Variants in VKORC1L1 observed in about 807,000 individuals in gnomAD.
VKORC1L1 encodes the protein vitamin K epoxide reductase complex subunit 1-like protein 1.
Under a neutral mutation model 18.9 loss-of-function variants are expected in VKORC1L1, and 2 were observed. That is an observed-to-expected ratio of 0.11 (90% CI 0.04 to 0.33). VKORC1L1 has a LOEUF of 0.33. Ranked by LOEUF, VKORC1L1 falls within the 10% of genes least tolerant of loss-of-function variation. The pLI, the probability that VKORC1L1 is intolerant of heterozygous loss-of-function variation, is 1.00. For missense variants in VKORC1L1, 123 were observed against 224.1 expected (o/e 0.55, Z 2.88); for synonymous variants, 96 against 100.0 (o/e 0.96, Z 0.24).
rs1789940413 is a variant in VKORC1L1, at chr7:65,936,222, A to G, written c.195-12449A>G. ...CTTTACTTTCACTTATGGAACATAG[A>G]TGTAATAACTGTTTTAAATCTGATT... On this transcript the variant is annotated intron_variant, in intron 1 of 2. Transcript: ENST00000360768. 2.6e-5 allele frequency among the ~76,000 whole-genome samples: 4 copies of G among 151,808 alleles called. No homozygotes were observed. The South Asian group carries it at 8.3e-4, about 31-fold the overall frequency.
At chr7:65,915,544 G>A (rs561537427) in intron 1 of VKORC1L1, among the ~76,000 whole-genome samples, 15 of 151,882 alleles carry the variant, frequency 9.9e-5, no homozygotes, top group Non-Finnish European at 1.9e-4. Flanking sequence ...CCAAGTAGCT[G>A]GGACTACAGG....
chr7:65,946,751 A>G (rs1397403860), intron 1 of VKORC1L1, among the ~76,000 whole-genome samples: 1 of 152,196 alleles, frequency 6.6e-6, no homozygotes, highest in Admixed American at 6.5e-5. Context: ...CCCGGCACGT[A>G]GCGTCAGTGC....
rs373316764 is a variant in VKORC1L1 at position 65,879,476 on chromosome 7, C to T, written c.194+5911C>T. Among the ~76,000 whole-genome samples, 16 of 152,292 alleles carry T rather than the reference C, an allele frequency of 1.1e-4. 1 individual carries two copies. The highest frequency in any genetic ancestry group is 2.6e-4 in the African/African-American group (11 of 41,554). The stretch of plus-strand genomic sequence containing the variant: ...GGCAGTGTTCTAAATGTTTTGCATA[C>T]ATTATTGAAGTCTCTCAAGAGTCCC... On this transcript the variant is annotated intron_variant, in intron 1 of 2. Transcript: ENST00000360768.
upstream of VKORC1L1, among the ~76,000 whole-genome samples, chr7:65,870,125 T>C (rs915520474): frequency 2.0e-5 from 3 of 151,936 alleles, no homozygotes; most frequent in African/African-American, 7.3e-5. Flanking sequence ...CATTCATTCA[T>C]TCATTCAAAA....
intron 1 of VKORC1L1, among the ~76,000 whole-genome samples, chr7:65,914,228 A>G (rs1789550703): frequency 6.6e-6 from 1 of 152,034 alleles, no homozygotes; most frequent in Non-Finnish European, 1.5e-5. Context: ...TGAGTAGCCA[A>G]AGCTACAGGT....
intron 1 of VKORC1L1, among the ~76,000 whole-genome samples, chr7:65,902,766 T>C (rs1338968396): frequency 1.3e-5 from 2 of 152,108 alleles, no homozygotes; most frequent in African/African-American, 4.8e-5. Context: ...ATACACATCA[T>C]GTACAGAGTA....
At chr7:65,914,117 A>AT (rs1420286663) in intron 1 of VKORC1L1, among the ~76,000 whole-genome samples, 2 of 152,188 alleles carry the variant, frequency 1.3e-5, no homozygotes, top group East Asian at 3.9e-4. Context: ...CCTTTATTTT[A>AT]TTTTTAATTT....
chr7:65,876,087 A>T (rs1228043117), intron 1 of VKORC1L1, among the ~76,000 whole-genome samples: 1 of 152,144 alleles, frequency 6.6e-6, no homozygotes, highest in African/African-American at 2.4e-5. Context: ...TTCTAAAGAA[A>T]TATTTCACCG....
chr7:65,882,656 G>C (rs1161028607), intron 1 of VKORC1L1, among the ~76,000 whole-genome samples: 1 of 151,974 alleles, frequency 6.6e-6, no homozygotes, highest in Non-Finnish European at 1.5e-5. Flanking sequence ...TAAGACTGTA[G>C]CTTTATGTTG....
chr7:65,954,157 A>G lies in VKORC1L1; in HGVS notation c.388A>G (p.Ile130Val). ...SVVGSLYLAY[I>V]LYFVLKEFCI... ...CGTGGGGTCCCTGTACCTGGCCTAC[A>G]TTCTGTACTTTGTGCTGAAGGAGTT... Residue 130 changes from isoleucine to valine, a missense_variant, in exon 3 of 3, where the codon ATT (isoleucine) becomes GTT (valine). Around this residue, in one of 4 missense-constraint regions of VKORC1L1, gnomAD observed 41 missense variants for 61.6 expected, o/e 0.67. Transcript: ENST00000360768. 1.2e-6 allele frequency: 2 copies of G among 1,613,938 alleles called. No individual in the cohort carries two copies. The highest frequency in any genetic ancestry group is 8.5e-7 in the Non-Finnish European group (1 of 1,179,924).
intron 1 of VKORC1L1, among the ~76,000 whole-genome samples, chr7:65,943,197 G>C (rs1051012185): frequency 6.6e-6 from 1 of 151,892 alleles, no homozygotes; most frequent in Non-Finnish European, 1.5e-5. Context: ...CCAGGAGTTC[G>C]AGACGAGCCT....
intron 1 of VKORC1L1, among the ~76,000 whole-genome samples, chr7:65,899,127 C>A (rs972283740): frequency 6.6e-6 from 1 of 152,154 alleles, no homozygotes; most frequent in Admixed American, 6.5e-5. Flanking sequence ...TATTAAATGC[C>A]AGTTTGGGCA....
At chr7:65,866,201 A>G in the VKORC1L1 span, among the ~76,000 whole-genome samples, 1 of 152,190 alleles carries the variant, frequency 6.6e-6, no homozygotes. Flanking sequence ...TTTAGAATAA[A>G]CAGAAGTATA....
At chr7:65,907,073 A>C (rs1789418120) in intron 1 of VKORC1L1, among the ~76,000 whole-genome samples, 1 of 152,194 alleles carries the variant, frequency 6.6e-6, no homozygotes, top group Admixed American at 6.5e-5. Flanking sequence ...CCCCAGTTTT[A>C]AGGATAAGAC....
chr7:65,943,512 C>A (rs62470921), intron 1 of VKORC1L1, among the ~76,000 whole-genome samples: 5,727 of 152,136 alleles, frequency 0.038, 168 homozygotes, highest in East Asian at 0.097. Context: ...TTACATGTAC[C>A]CATCTAAGCC....
At chr7:65,870,545 C>T (rs544034202), upstream of VKORC1L1, among the ~76,000 whole-genome samples, 22 of 152,194 alleles carry the variant, frequency 1.4e-4, no homozygotes, top group Middle Eastern at 3.4e-3. Flanking sequence ...GATGTCCATC[C>T]GTAGTAGAAT....
chr7:65,931,041 G>T (rs1267240502), intron 1 of VKORC1L1, among the ~76,000 whole-genome samples: 1 of 152,102 alleles, frequency 6.6e-6, no homozygotes, highest in Non-Finnish European at 1.5e-5. Flanking sequence ...GTTTTTAAAT[G>T]TCAGACCTGC....
upstream of VKORC1L1, among the ~76,000 whole-genome samples, chr7:65,869,925 G>T (rs1788705531): frequency 6.6e-6 from 1 of 151,156 alleles, no homozygotes; most frequent in Non-Finnish European, 1.5e-5. Flanking sequence ...AAAGCATTGG[G>T]ATTACAAGCG....
upstream of VKORC1L1, among the ~76,000 whole-genome samples, chr7:65,869,667 T>TTAA (rs1451419415): frequency 1.4e-5 from 2 of 139,258 alleles, no homozygotes; most frequent in African/African-American, 2.7e-5. Context: ...TTTTTTTTTT[T>TTAA]AGAGACAGGG....
Sources: gnomAD v4.1 joint callset for allele counts (sites outside exome capture counted in the v4.1 genomes callset) on GRCh38, gnomAD v4.1.1 for gene constraint, gnomAD v4.1.1 regional missense constraint, MANE v1.5 for transcripts, NCBI Gene and HGNC (gene_info 2026-07-23, HGNC 2026-07-21) for gene names.